The following GRM3 variants were observed in gnomAD, a reference collection of about 807,000 sequenced individuals.
The protein encoded by GRM3 is metabotropic glutamate receptor 3.
A neutral mutation model predicts 70.5 loss-of-function variants in GRM3; 26 were observed. That is an observed-to-expected ratio of 0.37 (90% confidence interval 0.27 to 0.51). GRM3 has a LOEUF of 0.51. Ranked by LOEUF, GRM3 falls within the 20% of genes least tolerant of loss-of-function variation. The pLI is 0.93. For synonymous variants in GRM3, 443 were observed against 434.9 expected, an observed-to-expected ratio of 1.02 and a Z score of -0.23; for missense variants, 859 against 1,123.8, an observed-to-expected ratio of 0.76 and a Z score of 3.37.
chr7:86,658,486 G>T (rs1793804866), intron 1 of GRM3, among the ~76,000 whole-genome samples: 1 of 152,086 alleles, frequency 6.6e-6, no homozygotes, highest in African/African-American at 2.4e-5. Flanking sequence ...TACTACTTCT[G>T]ACCTTCTATA....
At chr7:86,825,916 A>G (rs1443773908) in intron 3 of GRM3, among the ~76,000 whole-genome samples, 1 of 152,184 alleles carries the variant, frequency 6.6e-6, no homozygotes, top group Non-Finnish European at 1.5e-5. Flanking sequence ...CCTTATGTCC[A>G]TATCACATTT....
Position 86,839,128 on chromosome 7 carries a change from A to T in GRM3, c.1614A>T (p.Glu538Asp). 6.2e-7 allele frequency: 1 copy of T among 1,614,080 alleles called. No homozygotes were observed. Among genetic ancestry groups the T allele is most frequent in the South Asian group, 1.1e-5 (1 of 91,070 alleles). Residue 538 changes from glutamate (E) to aspartate (D), a missense_variant, in exon 4 of 6, where the codon GAA becomes GAT. Transcript: ENST00000361669. The surrounding 1 kb of genome is among the most constrained non-coding windows in gnomAD (Gnocchi z 4.5). ...CWICIPCEPY[E>D]YLADEFTCMD... is the part of the protein sequence containing the mutation. ...TTTGCATCCCCTGTGAACCCTACGAATACCTGGCTGATGAGTTTACCTGTA... is the reference window on the plus strand; with the variant it reads ...TTTGCATCCCCTGTGAACCCTACGATTACCTGGCTGATGAGTTTACCTGTA...
chr7:86,773,722 G>T (rs1210565568), intron 2 of GRM3, among the ~76,000 whole-genome samples: 1 of 152,042 alleles, frequency 6.6e-6, no homozygotes, highest in South Asian at 2.1e-4. Context: ...TCACAGGGAG[G>T]GAGGCACCAG....
intron 3 of GRM3, among the ~76,000 whole-genome samples, chr7:86,808,450 G>A (rs776159030): frequency 4.0e-5 from 6 of 151,742 alleles, no homozygotes; most frequent in East Asian, 1.9e-4. Flanking sequence ...ATTAAGAAGC[G>A]AAACCTAGCA....
chr7:86,678,523 A>G (rs541633169), intron 1 of GRM3, among the ~76,000 whole-genome samples: 65 of 152,190 alleles, frequency 4.3e-4, no homozygotes, highest in Admixed American at 3.7e-3. Context: ...AGAATACTGT[A>G]AAGGAGCACA....
intron 3 of GRM3, among the ~76,000 whole-genome samples, chr7:86,811,322 C>G (rs1307840210): frequency 2.0e-5 from 3 of 151,662 alleles, no homozygotes; most frequent in Non-Finnish European, 4.4e-5. Flanking sequence ...AAAGAGTCAA[C>G]TTTTGAACCT....
At chr7:86,815,357 C>T (rs763005806) in intron 3 of GRM3, among the ~76,000 whole-genome samples, 2 of 151,762 alleles carry the variant, frequency 1.3e-5, no homozygotes, top group Non-Finnish European at 2.9e-5. Flanking sequence ...CCAATGTCCC[C>T]CTTTGATGAT....
intron 2 of GRM3, among the ~76,000 whole-genome samples, chr7:86,769,782 C>T (rs749761127): frequency 2.6e-5 from 4 of 152,098 alleles, no homozygotes; most frequent in Non-Finnish European, 4.4e-5. Flanking sequence ...TGCTGTGGTC[C>T]CTTTTATAAA....
chr7:86,664,423 C>T (rs933118640), intron 1 of GRM3, among the ~76,000 whole-genome samples: 2 of 151,738 alleles, frequency 1.3e-5, no homozygotes, highest in African/African-American at 4.8e-5. Flanking sequence ...GTTGAGCACT[C>T]AATAATAAGC....
chr7:86,730,571 G>C lies in GRM3; in HGVS notation c.-140-34435G>C, dbSNP rs1009177516. On this transcript the variant is annotated intron_variant, in intron 1 of 5. Coordinates refer to ENST00000361669, the MANE Select transcript of GRM3 (RefSeq NM_000840.3). ...CTGTTACTTCATTTATTTTGTGCAAGTTCATAAGGAAAAGTAGCTTTTCAG... is the reference window on the plus strand; with the variant it reads ...CTGTTACTTCATTTATTTTGTGCAACTTCATAAGGAAAAGTAGCTTTTCAG... Among the ~76,000 whole-genome samples the C allele has an allele frequency of 2.0e-5, 3 of 152,280 alleles. No homozygotes were observed. In the South Asian group the frequency reaches 6.2e-4, roughly 32 times the overall value.
chr7:86,824,487 A>G (rs1184834303), intron 3 of GRM3, among the ~76,000 whole-genome samples: 1 of 152,156 alleles, frequency 6.6e-6, no homozygotes, highest in Non-Finnish European at 1.5e-5. Context: ...GGGGGGTAAC[A>G]TATACAGTAT....
intron 3 of GRM3, among the ~76,000 whole-genome samples, chr7:86,810,609 G>T (rs976524850): frequency 1.3e-5 from 2 of 151,878 alleles, no homozygotes; most frequent in Admixed American, 1.3e-4. Context: ...TAATGGCTTT[G>T]CATAGAGGTA....
At chr7:86,819,863 G>C (rs955747057) in intron 3 of GRM3, among the ~76,000 whole-genome samples, 10 of 152,222 alleles carry the variant, frequency 6.6e-5, no homozygotes, top group East Asian at 5.8e-4. Context: ...AATAAAATGA[G>C]AATAGAAGTT....
chr7:86,657,446 G>T, intron 1 of GRM3, among the ~76,000 whole-genome samples: 1 of 152,202 alleles, frequency 6.6e-6, no homozygotes, highest in East Asian at 1.9e-4. Context: ...TTCAGGAAGT[G>T]GAGGATTTCA....
At chr7:86,855,098 A>T (rs1344132959) in intron 5 of GRM3, among the ~76,000 whole-genome samples, 2 of 152,172 alleles carry the variant, frequency 1.3e-5, no homozygotes, top group Non-Finnish European at 2.9e-5. Context: ...ATAAGCAAAC[A>T]TCCTTTGTAT....
chr7:86,784,815 A>G (rs1458408501), intron 2 of GRM3, among the ~76,000 whole-genome samples: 1 of 152,162 alleles, frequency 6.6e-6, no homozygotes, highest in Admixed American at 6.5e-5. Context: ...TAGCTGTTTT[A>G]TTTGTGGTTG....
chr7:86,674,220 A>G (rs1018486011), intron 1 of GRM3, among the ~76,000 whole-genome samples: 1 of 151,712 alleles, frequency 6.6e-6, no homozygotes, highest in Non-Finnish European at 1.5e-5. Flanking sequence ...CTTGACCAGG[A>G]CCAAAAGATT....
chr7:86,759,462 G>C (rs958180074), intron 1 of GRM3, among the ~76,000 whole-genome samples: 2 of 151,980 alleles, frequency 1.3e-5, no homozygotes, highest in Admixed American at 1.3e-4. Flanking sequence ...TCAATCTCCT[G>C]ATCAATCTTT....
chr7:86,760,824 T>C (rs1796460990), intron 1 of GRM3, among the ~76,000 whole-genome samples: 1 of 152,136 alleles, frequency 6.6e-6, no homozygotes, highest in South Asian at 2.1e-4. Flanking sequence ...TAAAATGACA[T>C]TAAATGTTAC....
Sources: allele counts gnomAD v4.1 joint callset (sites outside exome capture counted in the v4.1 genomes callset), GRCh38; gene constraint gnomAD v4.1.1; non-coding constraint Gnocchi (gnomAD v3.1); transcripts MANE v1.5; gene names NCBI Gene and HGNC (gene_info 2026-07-23, HGNC 2026-07-21).